The following DCAF12 variants were observed in gnomAD, a reference collection of about 807,000 sequenced individuals.
DCAF12 encodes the protein DDB1- and CUL4-associated factor 12.
In DCAF12, 28 loss-of-function variants were observed where a neutral mutation model predicts 52.8. The observed-to-expected ratio is 0.53, with a 90% CI of 0.39 to 0.73. The LOEUF (loss-of-function observed/expected upper bound fraction) is 0.73, where lower values mean the gene tolerates loss of function less well. Ranked by LOEUF, DCAF12 falls within the 30% of genes least tolerant of loss-of-function variation. The probability of loss-of-function intolerance (pLI) is 0.00; values close to 1 mark genes in which losing one functional copy is unlikely to be tolerated. For synonymous variants in DCAF12, 196 were observed against 215.5 expected (o/e 0.91, Z 0.79); for missense variants, 425 against 552.2 (o/e 0.77, Z 2.31).
chr9:34,116,526 T>C (rs1829090014), intron 2 of DCAF12, among the ~76,000 whole-genome samples: 1 of 151,826 alleles, frequency 6.6e-6, no homozygotes, highest in African/African-American at 2.4e-5. Flanking sequence ...AATACAAAAA[T>C]TAGCCGGGCA....
At chr9:34,115,930 TAATTG>T (rs1829081963) in intron 2 of DCAF12, among the ~76,000 whole-genome samples, 1 of 152,188 alleles carries the variant, frequency 6.6e-6, no homozygotes, top group Non-Finnish European at 1.5e-5. Context: ...ATACTGACAT[TAATTG>T]AATTAATTCC....
chr9:34,092,063 G>C (rs1828653418), intron 7 of DCAF12, among the ~76,000 whole-genome samples: 1 of 152,156 alleles, frequency 6.6e-6, no homozygotes, highest in Admixed American at 6.5e-5. Flanking sequence ...CTTCAATAAA[G>C]AATGAGGGTG....
intron 4 of DCAF12, among the ~76,000 whole-genome samples, chr9:34,103,322 G>T (rs564117846): frequency 3.3e-5 from 5 of 151,262 alleles, no homozygotes; most frequent in African/African-American, 1.2e-4. Context: ...CAGGAGAATC[G>T]CTTGAACCTG....
At position 34,107,635 on chromosome 9, in the gene DCAF12, T is replaced by C. The variant is rs1828926110; in HGVS notation, c.334-70A>G. ...GGCCAATACAGGGTATAAACATCCT[T>C]TTGTTCAACTGTTCATCAACATTTA... On this transcript the variant is annotated intron_variant, in intron 2 of 8. Coordinates refer to ENST00000361264, the MANE Select transcript of DCAF12 (RefSeq NM_015397.4). The C allele has an allele frequency of 7.6e-6, 10 of 1,312,836 alleles. No individual in the cohort carries two copies. The East Asian group carries it at 2.1e-4, about 28-fold the overall frequency. 81.3% of individuals were successfully genotyped at this position (1,312,836 alleles called of 1,614,324 possible).
At chr9:34,094,220 C>T (rs532051031) in intron 6 of DCAF12, among the ~76,000 whole-genome samples, 3 of 151,994 alleles carry the variant, frequency 2.0e-5, no homozygotes, top group African/African-American at 7.2e-5. Flanking sequence ...GGCTGGCCAA[C>T]CTGGTGAGAT....
chr9:34,105,167 C>A (rs907545115), intron 4 of DCAF12, among the ~76,000 whole-genome samples: 31 of 151,818 alleles, frequency 2.0e-4, no homozygotes, highest in Non-Finnish European at 3.1e-4. Context: ...GCAGGGGAAT[C>A]GCTCGAACCT....
At position 34,086,675 on chromosome 9, in the gene DCAF12, GC is replaced by G. The variant is rs1828561604; in HGVS notation, c.*1674del. 6.6e-6 allele frequency: 1 copy of G among 152,166 alleles called. No individual in the cohort carries two copies. The highest frequency in any genetic ancestry group is 1.5e-5 in the Non-Finnish European group (1 of 68,038). 9.4% of individuals were successfully genotyped at this position (152,166 alleles called of 1,614,324 possible). Reference sequence around the variant, plus strand: ...CATTTTGCTTAATTCCCTGTTTATAGCACCTATTTCTCTAGGTTCGAAGATG... The same window carrying G: ...CATTTTGCTTAATTCCCTGTTTATAGACCTATTTCTCTAGGTTCGAAGATG... On this transcript the variant is annotated 3_prime_UTR_variant, in exon 9 of 9. Coordinates refer to ENST00000361264, the MANE Select transcript of DCAF12 (RefSeq NM_015397.4).
Position 34,087,530 on chromosome 9 carries a change from TA to T in DCAF12, c.*819del, listed in dbSNP as rs1245586583. 6.6e-6 allele frequency: 1 copy of T among 152,184 alleles called. No homozygotes were observed. The highest frequency in any genetic ancestry group is 2.4e-5 in the African/African-American group (1 of 41,432). The allele number at this position is 152,184 out of a possible 1,614,324, so 9.4% of individuals were successfully genotyped here. On this transcript the variant is annotated 3_prime_UTR_variant, in exon 9 of 9. Transcript: ENST00000361264. ...CACCTGGATGGTGAGTCTGATGTTTTAGGGGTGTGGCTACTGGCTAAGCAGA... is the reference window on the plus strand; with the variant it reads ...CACCTGGATGGTGAGTCTGATGTTTTGGGGTGTGGCTACTGGCTAAGCAGA...
At chr9:34,098,698 G>C (rs1828778778) in intron 4 of DCAF12, among the ~76,000 whole-genome samples, 181 bp from the exon 5 acceptor site, 1 of 152,238 alleles carries the variant, frequency 6.6e-6, no homozygotes, top group Non-Finnish European at 1.5e-5. Flanking sequence ...TACACTAAGA[G>C]AATTATTCAC....
At chr9:34,121,852 A>G (rs1051042120) in intron 2 of DCAF12, among the ~76,000 whole-genome samples, 1 of 152,160 alleles carries the variant, frequency 6.6e-6, no homozygotes, top group Non-Finnish European at 1.5e-5. Context: ...CTGAGGCGGG[A>G]GAATCGATTG....
intron 6 of DCAF12, chr9:34,096,072 GAGACC>G (rs1828730192): frequency 6.6e-6 from 1 of 152,112 alleles, no homozygotes. Context: ...AACAAGAATT[GAGACC>G]AGGTGCAATG....
Position 34,088,164 on chromosome 9 carries a change from A to G in DCAF12, c.*186T>C, listed in dbSNP as rs533883849. 2 of 509,638 alleles carry G rather than the reference A, an allele frequency of 3.9e-6. No homozygotes were observed. Among genetic ancestry groups the G allele is most frequent in the Non-Finnish European group, 3.2e-6 (1 of 316,338 alleles). 31.6% of individuals were successfully genotyped at this position (509,638 alleles called of 1,614,324 possible). A position where few individuals can be genotyped will look rare whatever the true frequency, so the allele number is the denominator to read the frequency against. On this transcript the variant is annotated 3_prime_UTR_variant, in exon 9 of 9. Coordinates refer to ENST00000361264, the MANE Select transcript of DCAF12 (RefSeq NM_015397.4). ...AATTTTGATTACCAAAGGGGAAAAC[A>G]AAAAGCAAAACAACTTTCAGATTTC...
chr9:34,101,584 G>A (rs1828830689), intron 4 of DCAF12, among the ~76,000 whole-genome samples: 1 of 150,468 alleles, frequency 6.6e-6, no homozygotes, highest in African/African-American at 2.4e-5. Context: ...TAGAGACGGG[G>A]TTTCTCTATG....
rs201649141 is a variant in DCAF12 at position 34,089,517 on chromosome 9, G to C, written c.1098C>G (p.Asp366Glu). 1 of 1,614,042 alleles carries C rather than the reference G, an allele frequency of 6.2e-7. No individual in the cohort carries two copies. The highest frequency in any genetic ancestry group is 1.3e-5 in the African/African-American group (1 of 74,928). Residue 366 changes from aspartate to glutamate, a missense_variant, in exon 8 of 9, where the codon GAC becomes GAG. By Grantham distance (45) the Asp-to-Glu change is conservative (BLOSUM62 2). Around this residue, in one of 3 missense-constraint regions of DCAF12, gnomAD observed 328 missense variants for 444.4 expected, o/e 0.74. Transcript: ENST00000361264. ...GTGQGSLLFY[D>E]IRAQRFLEER... Reference sequence around the variant, plus strand: ...CTTCCAGAAATCTCTGAGCTCGGATGTCATAGAACAGCAGGGAGCCCTGCC... The same window carrying C: ...CTTCCAGAAATCTCTGAGCTCGGATCTCATAGAACAGCAGGGAGCCCTGCC...
intron 7 of DCAF12, among the ~76,000 whole-genome samples, chr9:34,090,454 A>G (rs1828625921): frequency 6.6e-6 from 1 of 152,164 alleles, no homozygotes; most frequent in Non-Finnish European, 1.5e-5. Context: ...CAAGTCATGT[A>G]ATTACTTTAG....
At chr9:34,126,212 G>C (rs1829247943) in intron 1 of DCAF12, 142 bp downstream of exon 1, 1 of 1,057,824 alleles carries the variant, frequency 9.5e-7, no homozygotes, top group Non-Finnish European at 1.4e-6. Context: ...GTCCAGTCCT[G>C]ACCCTATAGG....
chr9:34,093,303 G>A lies in DCAF12; in HGVS notation c.1007C>T (p.Ser336Phe), dbSNP rs764970375. ...ACTCTTACCACTGCCTCGCTCCCTG[G>A]AACAGACAGACTTGACGTTGTATGA... ...QPSYNVKSVC[S>F]RERGSGIRSV... The change falls in exon 7 of 9, where the codon TCC becomes TTC. Residue 336 changes from serine (S) to phenylalanine (F), a missense_variant. Transcript: ENST00000361264. 1.9e-6 allele frequency: 3 copies of A among 1,614,080 alleles called. No individual in the cohort carries two copies. Among genetic ancestry groups the A allele is most frequent in the Non-Finnish European group, 2.5e-6 (3 of 1,180,044 alleles).
chr9:34,101,727 G>A (rs371288645), intron 4 of DCAF12, among the ~76,000 whole-genome samples: 21 of 151,908 alleles, frequency 1.4e-4, no homozygotes, highest in Admixed American at 5.9e-4. Flanking sequence ...GTTCTAGACC[G>A]TTCTTTATTA....
chr9:34,111,299 C>T (rs1828999584), intron 2 of DCAF12, among the ~76,000 whole-genome samples: 2 of 152,080 alleles, frequency 1.3e-5, no homozygotes, highest in Non-Finnish European at 2.9e-5. Flanking sequence ...TACTCTTTTA[C>T]CTGGCCAACA....
Sources: allele counts gnomAD v4.1 joint callset (sites outside exome capture counted in the v4.1 genomes callset), GRCh38; gene constraint gnomAD v4.1.1; regional missense constraint gnomAD v4.1.1; transcripts MANE v1.5; gene names NCBI Gene and HGNC (gene_info 2026-07-23, HGNC 2026-07-21).